Variants in ENPP4 observed in about 807,000 individuals in gnomAD.
ENPP4 encodes the protein bis(5'-adenosyl)-triphosphatase ENPP4.
A neutral mutation model predicts 33.4 loss-of-function variants in ENPP4; 18 were observed. The observed-to-expected ratio is 0.54, with a 90% CI of 0.37 to 0.80. The LOEUF (loss-of-function observed/expected upper bound fraction) is 0.80. Ranked by LOEUF, ENPP4 falls within the 30% of genes least tolerant of loss-of-function variation. ENPP4 has a pLI of 0.00. For synonymous variants in ENPP4, 172 were observed against 189.9 expected (o/e 0.91, Z 0.78); for missense variants, 480 against 541.7 (o/e 0.89, Z 1.13).
At chr6:46,138,155 CTTAACTAATCTTCA>C (rs1764002419) in intron 1 of ENPP4, among the ~76,000 whole-genome samples, 1 of 151,816 alleles carries the variant, frequency 6.6e-6, no homozygotes, top group Non-Finnish European at 1.5e-5. Flanking sequence ...AAAAGTTACT[CTTAACTAATCTTCA>C]TTAGTTCTTT....
In ENPP4 at chr6:46,143,845, G is replaced by C. The variant is rs142311065; in HGVS notation, c.*205G>C. 6.3e-3 allele frequency: 3,082 copies of C among 487,644 alleles called. 30 individuals are homozygous for C. The highest frequency in any genetic ancestry group is 0.012 in the Middle Eastern group (21 of 1,816). The allele number at this position is 487,644 out of a possible 1,614,324, so 30.2% of individuals were successfully genotyped here. On this transcript the variant is annotated 3_prime_UTR_variant, in exon 4 of 4. Coordinates refer to ENST00000321037, the MANE Select transcript of ENPP4 (RefSeq NM_014936.5). ...AACGCTGACCATAGTAAAATTGTTA[G>C]TAAATCATTAGGTAACATCTTGTGG...
chr6:46,134,774 T>G (rs1414961925), intron 1 of ENPP4, among the ~76,000 whole-genome samples: 1 of 152,086 alleles, frequency 6.6e-6, no homozygotes, highest in Non-Finnish European at 1.5e-5. Flanking sequence ...GCTGTGCAAC[T>G]GTCATCACAA....
At chr6:46,133,776 T>G (rs1334034069) in intron 1 of ENPP4, among the ~76,000 whole-genome samples, 2 of 152,154 alleles carry the variant, frequency 1.3e-5, no homozygotes, top group Non-Finnish European at 2.9e-5. Flanking sequence ...GCTTGAGAAC[T>G]TCTCATTGTT....
chr6:46,140,297 T>C lies in ENPP4; in HGVS notation c.714T>C (p.His238=). ...TTAATGTGATCATTACAAGTGATCA[T>C]GGGATGACCCAGTGTTCTCAGGACA... ...ENLNVIITSD[H]GMTQCSQDRL... The change falls in exon 2 of 4, where the codon CAT becomes CAC. Residue 238 remains histidine (H), a synonymous_variant. Coordinates refer to ENST00000321037, the MANE Select transcript of ENPP4 (RefSeq NM_014936.5). 6.2e-7 allele frequency: 1 copy of C among 1,611,742 alleles called. No homozygotes were observed. The highest frequency in any genetic ancestry group is 1.7e-4 in the Middle Eastern group (1 of 6,054).
chr6:46,134,856 C>A (rs571659169), intron 1 of ENPP4, among the ~76,000 whole-genome samples: 7 of 152,070 alleles, frequency 4.6e-5, no homozygotes, highest in African/African-American at 1.4e-4. Flanking sequence ...CCATTTCCCC[C>A]CCAACCCCTG....
At chr6:46,137,380 A>G (rs1325267948) in intron 1 of ENPP4, among the ~76,000 whole-genome samples, 1 of 151,894 alleles carries the variant, frequency 6.6e-6, no homozygotes, top group Admixed American at 6.6e-5. Context: ...AACTATACCC[A>G]GAGAGAAACC....
chr6:46,136,305 T>C (rs537051858), intron 1 of ENPP4, among the ~76,000 whole-genome samples: 2 of 152,056 alleles, frequency 1.3e-5, no homozygotes, highest in African/African-American at 4.8e-5. Flanking sequence ...CACATACATA[T>C]ACTTTTGTGT....
intron 1 of ENPP4, 27 bp from the exon 2 acceptor site, chr6:46,139,524 C>G: frequency 1.1e-6 from 1 of 900,530 alleles, no homozygotes; most frequent in South Asian, 1.5e-5. Context: ...AGAATTACTA[C>G]TTATGAGTTG....
chr6:46,145,676 A>T lies in ENPP4; in HGVS notation c.*2036A>T, dbSNP rs114249433. The T allele has an allele frequency of 6.6e-6, 1 of 151,704 alleles. No homozygotes were observed. The highest frequency in any genetic ancestry group is 1.9e-4 in the East Asian group (1 of 5,154). 9.4% of individuals were successfully genotyped at this position (151,704 alleles called of 1,614,324 possible). On this transcript the variant is annotated 3_prime_UTR_variant, in exon 4 of 4. Coordinates refer to ENST00000321037, the MANE Select transcript of ENPP4 (RefSeq NM_014936.5). ...TTCAGAAATCTATACTTGGCATCCA[A>T]CTCATGAGTGGATTTTATATAGGAT...
rs2127492682 is a variant in ENPP4, at chr6:46,140,138, G to A, written c.555G>A (p.Trp185Ter). 6.2e-7 allele frequency: 1 copy of A among 1,612,428 alleles called. No individual in the cohort carries two copies. Among genetic ancestry groups the A allele is most frequent in the East Asian group, 2.2e-5 (1 of 44,866 alleles). The change falls in exon 2 of 4, where the codon TGG becomes TGA. Residue 185 changes from tryptophan to a stop codon, truncating the protein, a stop_gained. Coordinates refer to ENST00000321037, the MANE Select transcript of ENPP4 (RefSeq NM_014936.5). LOFTEE classifies it high-confidence loss of function. ...CAGTCACCTTTGCAACACTATATTG[G>A]GAAGAACCAGATGCAAGTGGCCACA... ...NPPVTFATLYWEEPDASGHKY... is the reference protein window; with the variant it reads ...NPPVTFATLY
Position 46,145,161 on chromosome 6 carries a change from G to T in ENPP4, c.*1521G>T. 2.7e-6 allele frequency: 1 copy of T among 369,906 alleles called. No homozygotes were observed. The highest frequency in any genetic ancestry group is 4.8e-6 in the Non-Finnish European group (1 of 207,820). The allele number at this position is 369,906 out of a possible 1,614,324, so 22.9% of individuals were successfully genotyped here. A position where few individuals can be genotyped will look rare whatever the true frequency, so the allele number is the denominator to read the frequency against. On this transcript the variant is annotated 3_prime_UTR_variant, in exon 4 of 4. Transcript: ENST00000321037. ...AATATAAAAGTATAATAAATATGCAGCCCAGTTAAATATTGATTATCTGTG... is the reference window on the plus strand; with the variant it reads ...AATATAAAAGTATAATAAATATGCATCCCAGTTAAATATTGATTATCTGTG...
chr6:46,141,248 G>A, intron 3 of ENPP4, 26 bp downstream of exon 3: 2 of 1,562,332 alleles, frequency 1.3e-6, no homozygotes, highest in Non-Finnish European at 8.8e-7. Context: ...AGATATTTCT[G>A]TTGTATCCTA....
rs953716272 is a variant in ENPP4, at chr6:46,144,753, T to A, written c.*1113T>A. The A allele has an allele frequency of 5.2e-6, 2 of 381,142 alleles. No individual in the cohort carries two copies. Among genetic ancestry groups the A allele is most frequent in the African/African-American group, 4.2e-5 (2 of 48,116 alleles). The allele number at this position is 381,142 out of a possible 1,614,324, so 23.6% of individuals were successfully genotyped here. ...CTTTGGGACTTTATGCCTTACTTTT[T>A]AGGCTATAGAATAGTTAAGAAATTT... On this transcript the variant is annotated 3_prime_UTR_variant, in exon 4 of 4. Coordinates refer to ENST00000321037, the MANE Select transcript of ENPP4 (RefSeq NM_014936.5).
At position 46,141,231 on chromosome 6, in the gene ENPP4, T is replaced by G; in HGVS notation, c.997+9T>G. On this transcript the variant is annotated intron_variant, in intron 3 of 3. Coordinates refer to ENST00000321037, the MANE Select transcript of ENPP4 (RefSeq NM_014936.5). ...TGAATCATCACAAAAATGTAAGTAT[T>G]TAGTTGAGATATTTCTGTTGTATCC... is the stretch of plus-strand genomic sequence containing the variant. 1 of 1,597,664 alleles carries G rather than the reference T, an allele frequency of 6.3e-7. No homozygotes were observed. Among genetic ancestry groups the G allele is most frequent in the Non-Finnish European group, 8.6e-7 (1 of 1,167,250 alleles).
intron 1 of ENPP4, among the ~76,000 whole-genome samples, chr6:46,134,280 C>T (rs1416169351): frequency 2.0e-5 from 3 of 152,110 alleles, no homozygotes; most frequent in Non-Finnish European, 2.9e-5. Context: ...CAAGATCACC[C>T]ATCTACTAAT....
At chr6:46,137,447 C>G (rs1014893349) in intron 1 of ENPP4, among the ~76,000 whole-genome samples, 6 of 151,830 alleles carry the variant, frequency 4.0e-5, no homozygotes, top group Admixed American at 2.6e-4. Flanking sequence ...GACACAAGTT[C>G]TAAAATTGTA....
rs1764096412 is a variant in ENPP4 at position 46,143,337 on chromosome 6, A to C, written c.1059A>C (p.Gly353=). The change falls in exon 4 of 4, where the codon GGA becomes GGC. Residue 353 remains glycine, a synonymous_variant. Transcript: ENST00000321037. ...PSMHPFLAAH[G]PAFHKGYKHS... ...TGCATCCATTTCTAGCTGCCCACGG[A>C]CCTGCATTTCACAAAGGCTACAAGC... 6.2e-7 allele frequency: 1 copy of C among 1,610,310 alleles called. No individual in the cohort carries two copies.
At chr6:46,131,906 C>T (rs1212997611) in intron 1 of ENPP4, among the ~76,000 whole-genome samples, 1 of 152,166 alleles carries the variant, frequency 6.6e-6, no homozygotes, top group Non-Finnish European at 1.5e-5. Context: ...CTCTGATGGC[C>T]AGTGATGGTG....
At chr6:46,139,297 G>T (rs2127492568) in intron 1 of ENPP4, among the ~76,000 whole-genome samples, 1 of 151,818 alleles carries the variant, frequency 6.6e-6, no homozygotes, top group South Asian at 2.1e-4. Context: ...AGCCTAGAAG[G>T]AGTATTGATG....
Sources: gnomAD v4.1 joint callset for allele counts (sites outside exome capture counted in the v4.1 genomes callset) on GRCh38, gnomAD v4.1.1 for gene constraint, MANE v1.5 for transcripts, NCBI Gene and HGNC (gene_info 2026-07-23, HGNC 2026-07-21) for gene names.